CRB1: variants seen among roughly 807,000 people sequenced by gnomAD.
CRB1 encodes the protein crumbs cell polarity complex component 1, also known as protein crumbs homolog 1.
A neutral mutation model predicts 120.0 loss-of-function variants in CRB1; 83 were observed. That is an observed-to-expected ratio of 0.69 (90% CI 0.58 to 0.83). The LOEUF (loss-of-function observed/expected upper bound fraction) is 0.83, where lower values mean the gene tolerates loss of function less well. CRB1 is among the 40% of genes least tolerant of loss of function. The pLI is 0.00. For missense variants in CRB1, 1,699 were observed against 1,687.6 expected, an observed-to-expected ratio of 1.01 and a Z score of -0.12; for synonymous variants, 625 against 612.5, an observed-to-expected ratio of 1.02 and a Z score of -0.30.
intron 1 of CRB1, among the ~76,000 whole-genome samples, chr1:197,315,100 G>T (rs1471202757): frequency 6.6e-6 from 1 of 152,104 alleles, no homozygotes; most frequent in Admixed American, 6.6e-5. Context: ...GAGATCACTG[G>T]TGTATTTATG....
the CRB1 span, among the ~76,000 whole-genome samples, chr1:197,211,388 A>G: frequency 1.3e-5 from 2 of 152,222 alleles, no homozygotes; most frequent in Non-Finnish European, 2.9e-5. Context: ...AGATTGGGTA[A>G]CTTATATACA....
chr1:197,468,398 G>A (rs1414632042), intron 11 of CRB1, among the ~76,000 whole-genome samples: 2 of 151,458 alleles, frequency 1.3e-5, no homozygotes, highest in Non-Finnish European at 2.9e-5. Context: ...CTGTCTGAAA[G>A]TTTGAAGGCA....
At chr1:197,414,484 A>G (rs2125455970) in intron 5 of CRB1, among the ~76,000 whole-genome samples, 1 of 152,244 alleles carries the variant, frequency 6.6e-6, no homozygotes, top group South Asian at 2.1e-4. Flanking sequence ...AATTTTTGCT[A>G]TCATGATTAT....
At chr1:197,429,956 A>G (rs1302112447) in intron 8 of CRB1, among the ~76,000 whole-genome samples, 1 of 152,240 alleles carries the variant, frequency 6.6e-6, no homozygotes, top group Non-Finnish European at 1.5e-5. Flanking sequence ...GCCATTTATT[A>G]ACTATGAGGC....
intron 1 of CRB1, among the ~76,000 whole-genome samples, chr1:197,290,832 T>C (rs1656132259): frequency 1.3e-5 from 2 of 151,878 alleles, no homozygotes; most frequent in African/African-American, 4.8e-5. Flanking sequence ...TAAAATGACA[T>C]GCTTTTTGTC....
intron 5 of CRB1, among the ~76,000 whole-genome samples, chr1:197,391,944 G>A (rs1288234598): frequency 6.6e-6 from 1 of 152,048 alleles, no homozygotes; most frequent in Non-Finnish European, 1.5e-5. Context: ...TACAGAATTT[G>A]TAGCTGAAAC....
At chr1:197,419,363 CTT>C (rs68004200) in intron 5 of CRB1, among the ~76,000 whole-genome samples, 2,246 of 127,226 alleles carry the variant, frequency 0.018, 19 homozygotes, top group East Asian at 0.028. Context: ...AGATTGGATT[CTT>C]TTTTTTTTTT....
chr1:197,465,251 A>G (rs969189201), intron 11 of CRB1, among the ~76,000 whole-genome samples: 6 of 152,178 alleles, frequency 3.9e-5, no homozygotes, highest in African/African-American at 9.7e-5. Flanking sequence ...ATGCTGTTAG[A>G]CTTTATTTTT....
intron 11 of CRB1, among the ~76,000 whole-genome samples, chr1:197,472,032 A>G (rs546176525): frequency 1.3e-5 from 2 of 152,220 alleles, no homozygotes; most frequent in Non-Finnish European, 2.9e-5. Flanking sequence ...TAAAGACACA[A>G]TGTGTTTAAA....
chr1:197,402,055 T>G (rs1179269208), intron 5 of CRB1, among the ~76,000 whole-genome samples: 3 of 152,206 alleles, frequency 2.0e-5, no homozygotes, highest in Admixed American at 6.5e-5. Context: ...TCTTTTTAAC[T>G]TTTATTTTGG....
At chr1:197,260,917 G>A in the CRB1 span, among the ~76,000 whole-genome samples, 9 of 152,156 alleles carry the variant, frequency 5.9e-5, no homozygotes, top group South Asian at 1.5e-3. Flanking sequence ...GGCTGGTCTC[G>A]AACTCCTGAC....
chr1:197,311,195 A>G (rs907017525), intron 1 of CRB1, among the ~76,000 whole-genome samples: 1 of 152,254 alleles, frequency 6.6e-6, no homozygotes, highest in Non-Finnish European at 1.5e-5. Flanking sequence ...GCAATGGGAT[A>G]TTATTCAACC....
At chr1:197,428,129 A>G (rs1664694371) in intron 7 of CRB1, 128 bp downstream of exon 7, 4 of 822,770 alleles carry the variant, frequency 4.9e-6, no homozygotes, top group Middle Eastern at 3.1e-4. Context: ...ATAGAATAAT[A>G]TTTCATCTAT....
At chr1:197,261,425 A>C in the CRB1 span, among the ~76,000 whole-genome samples, 2 of 152,272 alleles carry the variant, frequency 1.3e-5, no homozygotes, top group Admixed American at 6.5e-5. Flanking sequence ...GGCATTAAAA[A>C]GTATGTGAGT....
intron 1 of CRB1, among the ~76,000 whole-genome samples, chr1:197,278,446 C>G (rs1353377739): frequency 1.3e-5 from 2 of 151,926 alleles, no homozygotes; most frequent in East Asian, 3.9e-4. Flanking sequence ...GCAGCCTAAA[C>G]AGATTAAGAC....
chr1:197,235,772 G>T, the CRB1 span, among the ~76,000 whole-genome samples: 6 of 152,152 alleles, frequency 3.9e-5, no homozygotes, highest in African/African-American at 1.2e-4. Context: ...GAAACAGCTT[G>T]CCAAGAGAAG....
intron 10 of CRB1, chr1:197,441,391 A>G (rs1006039753): frequency 6.6e-6 from 1 of 152,040 alleles, no homozygotes; most frequent in Non-Finnish European, 1.5e-5. Context: ...AAATTAGTTT[A>G]AAAAAATGAC....
the CRB1 span, among the ~76,000 whole-genome samples, chr1:197,261,486 A>G: frequency 6.6e-6 from 1 of 152,264 alleles, no homozygotes; most frequent in African/African-American, 2.4e-5. Flanking sequence ...AGCAAGTTGC[A>G]GAATAATACA....
At chr1:197,261,517 TA>T in the CRB1 span, among the ~76,000 whole-genome samples, 1 of 152,286 alleles carries the variant, frequency 6.6e-6, no homozygotes, top group South Asian at 2.1e-4. Context: ...TACTGTTATT[TA>T]AAAAAAGAAG....
Sources: allele counts gnomAD v4.1 joint callset (sites outside exome capture counted in the v4.1 genomes callset), GRCh38; gene constraint gnomAD v4.1.1; transcripts MANE v1.5; gene names NCBI Gene and HGNC (gene_info 2026-07-23, HGNC 2026-07-21).